Variants in WDFY3 observed in about 807,000 individuals in gnomAD.
WDFY3 encodes the protein WD repeat and FYVE domain-containing protein 3.
Under a neutral mutation model 409.6 loss-of-function variants are expected in WDFY3, and 66 were observed. That is an observed-to-expected ratio of 0.16 (90% CI 0.13 to 0.20). WDFY3 has a LOEUF of 0.20. Among genes scored for constraint, WDFY3 ranks in the 10% least tolerant of loss-of-function variants. The probability of loss-of-function intolerance (pLI) is 1.00; values close to 1 mark genes in which losing one functional copy is unlikely to be tolerated. For missense variants in WDFY3, 3,031 were observed against 4,298.1 expected, an observed-to-expected ratio of 0.71 and a Z score of 8.24; for synonymous variants, 1,521 against 1,537.1, an observed-to-expected ratio of 0.99 and a Z score of 0.25.
chr4:84,841,238 C>A lies in WDFY3; in HGVS notation c.330G>T (p.Gln110His), dbSNP rs1311186042. 6.2e-7 allele frequency: 1 copy of A among 1,612,236 alleles called. No homozygotes were observed. The highest frequency in any genetic ancestry group is 8.5e-7 in the Non-Finnish European group (1 of 1,179,706). Residue 110 changes from glutamine (Q) to histidine (H), a missense_variant, in exon 6 of 68, where the codon CAG becomes CAT. By Grantham distance (24) the Gln-to-His change is conservative. Coordinates refer to ENST00000295888, the MANE Select transcript of WDFY3 (RefSeq NM_014991.6). ...CTTCACTCTGATTAATCTCTAGGAACTGAACTATGGCCCGACTTGCAGCCT... is the reference window on the plus strand; with the variant it reads ...CTTCACTCTGATTAATCTCTAGGAAATGAACTATGGCCCGACTTGCAGCCT... ...STEAASRAIVQFLEINQSEEA... is the reference protein window; with the variant it reads ...STEAASRAIVHFLEINQSEEA...
intron 2 of WDFY3, among the ~76,000 whole-genome samples, chr4:84,909,750 T>C (rs1001961379): frequency 6.6e-6 from 1 of 152,124 alleles, no homozygotes; most frequent in African/African-American, 2.4e-5. Flanking sequence ...ACGTGACTTA[T>C]TGGTCTTTTC....
chr4:84,711,195 GA>G (rs1732824140), intron 51 of WDFY3, among the ~76,000 whole-genome samples: 2 of 152,206 alleles, frequency 1.3e-5, no homozygotes, highest in African/African-American at 4.8e-5. Flanking sequence ...ACAGATTCTT[GA>G]AATGGCTGTG....
At position 84,688,269 on chromosome 4, in the gene WDFY3, C is replaced by A; in HGVS notation, c.9364-4G>T. The stretch of plus-strand genomic sequence containing the variant: ...TATCAGTGTGGCCCAGTAAGGCCTA[C>A]GAATGAGAACAAACAAACAAAATCA... On this transcript the variant is annotated splice_region_variant and splice_polypyrimidine_tract_variant and intron_variant, in intron 61 of 67. Coordinates refer to ENST00000295888, the MANE Select transcript of WDFY3 (RefSeq NM_014991.6). 1 of 1,611,046 alleles carries A rather than the reference C, an allele frequency of 6.2e-7. No individual in the cohort carries two copies. The highest frequency in any genetic ancestry group is 8.5e-7 in the Non-Finnish European group (1 of 1,178,542).
intron 30 of WDFY3, among the ~76,000 whole-genome samples, chr4:84,771,773 T>C (rs1744721833): frequency 2.0e-5 from 3 of 152,234 alleles, no homozygotes; most frequent in South Asian, 4.1e-4. Flanking sequence ...ATAAGTGTTA[T>C]TCATTGATCT....
chr4:84,679,811 G>A (rs958514579), intron 64 of WDFY3, among the ~76,000 whole-genome samples: 7 of 145,288 alleles, frequency 4.8e-5, no homozygotes, highest in African/African-American at 1.8e-4. Flanking sequence ...GATTACTTTT[G>A]GATATTCTTC....
At chr4:84,932,670 A>G (rs1770908520) in intron 1 of WDFY3, among the ~76,000 whole-genome samples, 1 of 152,214 alleles carries the variant, frequency 6.6e-6, no homozygotes, top group Admixed American at 6.5e-5. Flanking sequence ...TTAGAGCCAG[A>G]TTCAGAACTC....
intron 30 of WDFY3, 54 bp from the exon 31 acceptor site, chr4:84,766,426 T>C: frequency 6.7e-7 from 1 of 1,491,966 alleles, no homozygotes; most frequent in Non-Finnish European, 9.0e-7. Context: ...TAAAAGAAAA[T>C]TTACAACATA....
chr4:84,672,866 CTTCAACAAT>C lies in WDFY3; in HGVS notation c.10574_*1del, dbSNP rs1560501391. Reference sequence around the variant, plus strand: ...ATGGTCTCCACTCAGCTTGTTGAATCTTCAACAATTTCGAGGCCCATCTTCTGAACCTCT... The same window carrying C: ...ATGGTCTCCACTCAGCTTGTTGAATCTTCGAGGCCCATCTTCTGAACCTCT... On this transcript the variant is annotated stop_lost and 3_prime_UTR_variant, in exon 68 of 68. Transcript: ENST00000295888. The C allele has an allele frequency of 6.2e-7, 1 of 1,613,938 alleles. No individual in the cohort carries two copies. The highest frequency in any genetic ancestry group is 2.2e-5 in the East Asian group (1 of 44,850).
chr4:84,675,663 A>C (rs1315179472), intron 67 of WDFY3, among the ~76,000 whole-genome samples: 1 of 152,228 alleles, frequency 6.6e-6, no homozygotes, highest in African/African-American at 2.4e-5. Flanking sequence ...AATGCTGCCT[A>C]TAAAACCTCA....
At chr4:84,809,777 A>G (rs1752173556) in intron 14 of WDFY3, 110 bp downstream of exon 14, 2 of 964,622 alleles carry the variant, frequency 2.1e-6, no homozygotes, top group East Asian at 2.6e-5. Context: ...CAAATAGGAG[A>G]AGAGTCATCT....
intron 6 of WDFY3, 92 bp from the exon 7 acceptor site, chr4:84,837,182 T>G: frequency 8.8e-7 from 1 of 1,133,712 alleles, no homozygotes; most frequent in Non-Finnish European, 1.2e-6. Flanking sequence ...AAAAATTATA[T>G]ATAAAGGTAA....
chr4:84,836,229 T>C (rs1756548997), intron 7 of WDFY3, among the ~76,000 whole-genome samples: 1 of 152,226 alleles, frequency 6.6e-6, no homozygotes, highest in African/African-American at 2.4e-5. Context: ...CTACTTTAGA[T>C]ATATCATATA....
chr4:84,914,507 G>C (rs573823376), intron 2 of WDFY3, among the ~76,000 whole-genome samples: 1 of 152,096 alleles, frequency 6.6e-6, no homozygotes, highest in South Asian at 2.1e-4. Flanking sequence ...ATAAATTTTC[G>C]ACTGGAGGGG....
intron 2 of WDFY3, among the ~76,000 whole-genome samples, chr4:84,908,774 T>A (rs1433718419): frequency 6.6e-6 from 1 of 152,142 alleles, no homozygotes; most frequent in Admixed American, 6.6e-5. Flanking sequence ...ATACAACACA[T>A]TGTCCTTATC....
chr4:84,774,766 C>A (rs185013659), intron 29 of WDFY3, 54 bp downstream of exon 29: 2 of 1,537,526 alleles, frequency 1.3e-6, no homozygotes. Context: ...TCCATCTTAA[C>A]CTCATTGGTA....
At chr4:84,954,079 A>G (rs1773947792) in intron 1 of WDFY3, among the ~76,000 whole-genome samples, 1 of 152,178 alleles carries the variant, frequency 6.6e-6, no homozygotes, top group Non-Finnish European at 1.5e-5. Flanking sequence ...TACCCGTGAT[A>G]CCCAGCACAA....
intron 36 of WDFY3, among the ~76,000 whole-genome samples, chr4:84,746,193 G>A (rs1044817110): frequency 1.3e-5 from 2 of 150,974 alleles, no homozygotes; most frequent in African/African-American, 4.9e-5. Flanking sequence ...GGTGTGTGCC[G>A]GTAGTCATAG....
intron 37 of WDFY3, among the ~76,000 whole-genome samples, chr4:84,742,351 A>G (rs1013897827): frequency 3.9e-5 from 6 of 152,238 alleles, no homozygotes; most frequent in Non-Finnish European, 7.3e-5. Flanking sequence ...CACAGACAGA[A>G]GAGAGCTTCA....
chr4:84,684,023 T>C lies in WDFY3; in HGVS notation c.9646A>G (p.Ile3216Val). ...NTFTGRSQQI[I>V]CCCMSEMNEW... ...TTCATCTCCGACATGCAGCAGCAGA[T>C]GATCTGCTGGCTCCTACCTGTGAAC... is the stretch of plus-strand genomic sequence containing the variant. Residue 3216 changes from isoleucine (I) to valine (V), a missense_variant, in exon 63 of 68, where the codon ATC becomes GTC. Transcript: ENST00000295888. The C allele has an allele frequency of 6.2e-7, 1 of 1,613,818 alleles. No individual in the cohort carries two copies. The highest frequency in any genetic ancestry group is 8.5e-7 in the Non-Finnish European group (1 of 1,179,704).
Sources: allele counts gnomAD v4.1 joint callset (sites outside exome capture counted in the v4.1 genomes callset), GRCh38; gene constraint gnomAD v4.1.1; transcripts MANE v1.5; gene names NCBI Gene and HGNC (gene_info 2026-07-23, HGNC 2026-07-21).